Variants in RSPO2 observed in about 807,000 individuals in gnomAD.
The protein encoded by RSPO2 is R-spondin 2.
A neutral mutation model predicts 30.9 loss-of-function variants in RSPO2; 14 were observed. That is an observed-to-expected ratio of 0.45 (90% CI 0.30 to 0.71). The LOEUF is 0.71. RSPO2 is among the 30% of genes least tolerant of loss of function. The pLI, the probability that RSPO2 is intolerant of heterozygous loss-of-function variation, is 0.08. For synonymous variants in RSPO2, 107 were observed against 96.4 expected, an observed-to-expected ratio of 1.11 and a Z score of -0.64; for missense variants, 264 against 301.9, an observed-to-expected ratio of 0.87 and a Z score of 0.93.
At chr8:107,954,587 CTTTTATTTATTTATTTA>C (rs141879937) in intron 5 of RSPO2, among the ~76,000 whole-genome samples, 80,076 of 149,756 alleles carry the variant, frequency 0.53, 23,416 homozygotes, top group East Asian at 0.7. Flanking sequence ...CATTGTCCAT[CTTTTATTTATTTATTTA>C]TTTTATTTAT....
intron 5 of RSPO2, among the ~76,000 whole-genome samples, chr8:107,937,988 G>C (rs1259801941): frequency 5.3e-5 from 8 of 151,988 alleles, no homozygotes; most frequent in Non-Finnish European, 1.2e-4. Flanking sequence ...TCCTAAACCT[G>C]TCCACAATAA....
intron 2 of RSPO2, among the ~76,000 whole-genome samples, chr8:108,061,243 C>T (rs1279741945): frequency 6.6e-5 from 10 of 151,658 alleles, no homozygotes; most frequent in East Asian, 3.9e-4. Flanking sequence ...GACTGGCAAA[C>T]TGGATAAAGA....
chr8:108,061,993 C>A (rs1481630219), intron 2 of RSPO2, among the ~76,000 whole-genome samples: 6 of 151,892 alleles, frequency 4.0e-5, no homozygotes, highest in East Asian at 1.9e-4. Flanking sequence ...CCAATGAGAA[C>A]AAAGACACAA....
At chr8:108,029,373 G>C (rs183376109) in intron 2 of RSPO2, among the ~76,000 whole-genome samples, 4 of 152,148 alleles carry the variant, frequency 2.6e-5, no homozygotes, top group African/African-American at 9.6e-5. Context: ...GATAGATGCT[G>C]TTTATTGCTA....
intron 2 of RSPO2, among the ~76,000 whole-genome samples, chr8:108,039,316 T>G (rs1586649794): frequency 6.6e-6 from 1 of 152,158 alleles, no homozygotes; most frequent in East Asian, 1.9e-4. Context: ...TCCCAGTAAT[T>G]GAGAATATAC....
chr8:108,015,261 T>C (rs575826617), intron 2 of RSPO2, among the ~76,000 whole-genome samples: 1 of 152,236 alleles, frequency 6.6e-6, no homozygotes, highest in African/African-American at 2.4e-5. Context: ...GGGGAAAAAA[T>C]AACCCATATC....
chr8:108,010,281 C>T (rs768773426), intron 2 of RSPO2, among the ~76,000 whole-genome samples: 2 of 152,074 alleles, frequency 1.3e-5, no homozygotes, highest in Non-Finnish European at 2.9e-5. Flanking sequence ...TACAAAGGTA[C>T]ATGTGCTATA....
chr8:108,075,440 A>G (rs894891256), intron 2 of RSPO2, among the ~76,000 whole-genome samples: 1 of 151,286 alleles, frequency 6.6e-6, no homozygotes, highest in African/African-American at 2.4e-5. Context: ...AGATCACACC[A>G]TTGCACTCCA....
At chr8:107,922,296 T>TA (rs1207832827) in intron 5 of RSPO2, among the ~76,000 whole-genome samples, 1 of 152,162 alleles carries the variant, frequency 6.6e-6, no homozygotes, top group African/African-American at 2.4e-5. Flanking sequence ...CTAGCATTCC[T>TA]ATACACCAAC....
intron 5 of RSPO2, among the ~76,000 whole-genome samples, chr8:107,937,154 G>T (rs374669237): frequency 0.042 from 5,921 of 139,922 alleles, 164 homozygotes; most frequent in Middle Eastern, 0.098. Flanking sequence ...ATCTTCAGTT[G>T]TTTTTTTTTT....
chr8:108,058,387 T>C (rs552910847), intron 2 of RSPO2, among the ~76,000 whole-genome samples: 1 of 152,238 alleles, frequency 6.6e-6, no homozygotes, highest in East Asian at 1.9e-4. Flanking sequence ...TACTCATGGG[T>C]AGGAAGAATC....
chr8:108,060,976 G>A (rs1380146590), intron 2 of RSPO2, among the ~76,000 whole-genome samples: 2 of 151,666 alleles, frequency 1.3e-5, no homozygotes, highest in African/African-American at 4.9e-5. Flanking sequence ...TTACAGACAA[G>A]CAAATGCTGA....
chr8:108,039,156 T>C (rs902349060), intron 2 of RSPO2, among the ~76,000 whole-genome samples: 12 of 152,194 alleles, frequency 7.9e-5, no homozygotes, highest in Non-Finnish European at 5.9e-5. Context: ...CACTATGCTC[T>C]GTATTTTACA....
intron 2 of RSPO2, among the ~76,000 whole-genome samples, chr8:108,048,998 C>T (rs2130674443): frequency 6.6e-6 from 1 of 152,198 alleles, no homozygotes; most frequent in Middle Eastern, 3.4e-3. Context: ...TTTCTTAATC[C>T]TGAGTTCTAA....
At chr8:107,936,318 C>A (rs951488780) in intron 5 of RSPO2, among the ~76,000 whole-genome samples, 28 of 152,018 alleles carry the variant, frequency 1.8e-4, no homozygotes, top group African/African-American at 6.5e-4. Flanking sequence ...GTTTATATAC[C>A]ACATTTTCTT....
At chr8:108,075,830 G>A (rs13275827) in intron 2 of RSPO2, among the ~76,000 whole-genome samples, 31,808 of 151,652 alleles carry the variant, frequency 0.21, 3,560 homozygotes, top group East Asian at 0.43. Context: ...AATTTTAAGG[G>A]AAAACAACAA....
At chr8:107,983,257 A>G in intron 3 of RSPO2, 2 of 1,589,042 alleles carry the variant, frequency 1.3e-6, no homozygotes, top group Admixed American at 1.8e-5. Context: ...TATGAAGCTG[A>G]CACAGTCTGA....
intron 2 of RSPO2, among the ~76,000 whole-genome samples, chr8:107,992,739 T>G (rs1814887347): frequency 6.6e-6 from 1 of 152,108 alleles, no homozygotes; most frequent in Admixed American, 6.6e-5. Context: ...ATTATCTAGA[T>G]AAGGATAAAA....
intron 2 of RSPO2, among the ~76,000 whole-genome samples, chr8:108,026,514 C>T (rs1178980801): frequency 1.3e-5 from 2 of 152,054 alleles, no homozygotes; most frequent in Admixed American, 1.3e-4. Context: ...ATGTCTCCAA[C>T]TTATAAAATT....
Sources: gnomAD v4.1 joint callset for allele counts (sites outside exome capture counted in the v4.1 genomes callset) on GRCh38, gnomAD v4.1.1 for gene constraint, MANE v1.5 for transcripts, NCBI Gene and HGNC (gene_info 2026-07-23, HGNC 2026-07-21) for gene names.